Variants in WWTR1 observed in about 807,000 individuals in gnomAD.
WWTR1 encodes WW domain-containing transcription regulator protein 1.
A neutral mutation model predicts 40.1 loss-of-function variants in WWTR1; 13 were observed. The ratio of observed to expected loss-of-function variants is 0.32; its 90% CI spans 0.21 to 0.52. The LOEUF is 0.52. Ranked by LOEUF, WWTR1 falls within the 20% of genes least tolerant of loss-of-function variation. The pLI is 0.97. For missense variants in WWTR1, 436 were observed against 523.1 expected (o/e 0.83, Z 1.63); for synonymous variants, 230 against 210.1 (o/e 1.09, Z -0.82).
chr3:149,566,824 A>C (rs1357807163), intron 3 of WWTR1, among the ~76,000 whole-genome samples: 1 of 151,972 alleles, frequency 6.6e-6, no homozygotes, highest in Non-Finnish European at 1.5e-5. Flanking sequence ...AAAAAAAAAA[A>C]AAACACACAT....
At chr3:149,523,845 T>C (rs988288781) in intron 6 of WWTR1, among the ~76,000 whole-genome samples, 1 of 152,228 alleles carries the variant, frequency 6.6e-6, no homozygotes, top group South Asian at 2.1e-4. Context: ...AGAAGATGTA[T>C]GTCCAGTTCC....
intron 2 of WWTR1, among the ~76,000 whole-genome samples, chr3:149,594,950 C>CTTTTTTTTTTTTTTTTT (rs563658190): frequency 3.2e-5 from 2 of 61,772 alleles, no homozygotes; most frequent in Admixed American, 1.9e-4. Context: ...CTCTTTTTTA[C>CTTTTTTTTTTTTTTTTT]TTTTTTTTTT....
chr3:149,655,057 C>T (rs910093585), intron 2 of WWTR1, among the ~76,000 whole-genome samples: 10 of 151,396 alleles, frequency 6.6e-5, no homozygotes, highest in East Asian at 1.9e-4. Context: ...ACCCGGTAGG[C>T]GGAGCTTGCA....
At chr3:149,654,146 T>TCG (rs1713064787) in intron 2 of WWTR1, among the ~76,000 whole-genome samples, 1 of 151,528 alleles carries the variant, frequency 6.6e-6, no homozygotes, top group Non-Finnish European at 1.5e-5. Context: ...AAAATGTATC[T>TCG]GCTAGCCTCA....
At chr3:149,603,253 C>A (rs918691206) in intron 2 of WWTR1, among the ~76,000 whole-genome samples, 4 of 151,974 alleles carry the variant, frequency 2.6e-5, no homozygotes, top group African/African-American at 7.3e-5. Context: ...AATCAAGGAA[C>A]CAGATTCTAT....
chr3:149,612,984 A>G (rs962249954), intron 2 of WWTR1, among the ~76,000 whole-genome samples: 2 of 152,230 alleles, frequency 1.3e-5, no homozygotes, highest in Non-Finnish European at 2.9e-5. Flanking sequence ...CGTTAACTTT[A>G]GAACACGGTT....
chr3:149,671,657 G>A (rs538739553), intron 1 of WWTR1, among the ~76,000 whole-genome samples: 5 of 152,038 alleles, frequency 3.3e-5, no homozygotes, highest in African/African-American at 4.8e-5. Flanking sequence ...AAATCCAAGC[G>A]ATTTGATGCC....
At chr3:149,522,802 C>T (rs61562283) in intron 6 of WWTR1, among the ~76,000 whole-genome samples, 2,481 of 151,966 alleles carry the variant, frequency 0.016, 56 homozygotes, top group African/African-American at 0.056. Context: ...TTTGGGAGGC[C>T]GAGGTGGGTG....
intron 4 of WWTR1, among the ~76,000 whole-genome samples, chr3:149,534,906 T>C (rs866856705): frequency 6.6e-6 from 1 of 152,216 alleles, no homozygotes. Flanking sequence ...TGATTATTTG[T>C]GAGCTGAAGG....
chr3:149,595,605 C>A (rs1451655047), intron 2 of WWTR1, among the ~76,000 whole-genome samples: 1 of 152,110 alleles, frequency 6.6e-6, no homozygotes, highest in East Asian at 1.9e-4. Context: ...TCTCTCCTTG[C>A]ATGTTTGACA....
intron 5 of WWTR1, among the ~76,000 whole-genome samples, chr3:149,715,052 G>T (rs1445260010): frequency 1.3e-5 from 2 of 152,168 alleles, no homozygotes; most frequent in Non-Finnish European, 2.9e-5. Flanking sequence ...CCCACTGCAG[G>T]TCTCCTCTGA....
At chr3:149,676,585 C>T (rs1714267243) in intron 1 of WWTR1, among the ~76,000 whole-genome samples, 1 of 152,162 alleles carries the variant, frequency 6.6e-6, no homozygotes, top group Admixed American at 6.5e-5. Flanking sequence ...GTCCTTACAG[C>T]AACCCTGCCT....
chr3:149,587,986 C>G (rs1245608571), intron 2 of WWTR1, among the ~76,000 whole-genome samples: 1 of 152,132 alleles, frequency 6.6e-6, no homozygotes, highest in Non-Finnish European at 1.5e-5. Flanking sequence ...AAGCTTTGAT[C>G]CAGTAAGTCC....
intron 3 of WWTR1, among the ~76,000 whole-genome samples, chr3:149,565,603 A>AAAAG (rs1737280239): frequency 6.6e-6 from 1 of 152,202 alleles, no homozygotes; most frequent in African/African-American, 2.4e-5. Flanking sequence ...TAAAAACCGT[A>AAAAG]AAAGAAAGGA....
At chr3:149,589,889 C>T (rs1171222527) in intron 2 of WWTR1, among the ~76,000 whole-genome samples, 1 of 152,108 alleles carries the variant, frequency 6.6e-6, no homozygotes, top group Non-Finnish European at 1.5e-5. Context: ...GAATCTTATT[C>T]ACATCATATA....
intron 1 of WWTR1, among the ~76,000 whole-genome samples, chr3:149,697,574 C>T (rs1715036735): frequency 1.3e-5 from 2 of 152,204 alleles, no homozygotes; most frequent in African/African-American, 2.4e-5. Flanking sequence ...CCGGAGATTA[C>T]ATTACAACAT....
chr3:149,619,032 C>T (rs555829905), intron 2 of WWTR1, among the ~76,000 whole-genome samples: 3 of 152,308 alleles, frequency 2.0e-5, no homozygotes, highest in African/African-American at 4.8e-5. Flanking sequence ...CTGTCATGAC[C>T]TTATCCTGCT....
chr3:149,607,013 T>G (rs772750307), intron 2 of WWTR1, among the ~76,000 whole-genome samples: 1 of 152,210 alleles, frequency 6.6e-6, no homozygotes, highest in East Asian at 1.9e-4. Context: ...GACTATTGGT[T>G]ACGGTTATAA....
chr3:149,683,902 C>CA (rs1332427600), intron 1 of WWTR1, among the ~76,000 whole-genome samples: 2 of 151,994 alleles, frequency 1.3e-5, no homozygotes, highest in African/African-American at 2.4e-5. Flanking sequence ...ACTGTGGGAG[C>CA]AAGAGCCATT....
Sources: gnomAD v4.1 joint callset for allele counts (sites outside exome capture counted in the v4.1 genomes callset) on GRCh38, gnomAD v4.1.1 for gene constraint, MANE v1.5 for transcripts, NCBI Gene and HGNC (gene_info 2026-07-23, HGNC 2026-07-21) for gene names.